LRRC7: variants seen among roughly 807,000 people sequenced by gnomAD.
LRRC7 encodes leucine rich repeat containing 7.
A neutral mutation model predicts 175.7 loss-of-function variants in LRRC7; 23 were observed. That is an observed-to-expected ratio of 0.13 (90% CI 0.09 to 0.19). The LOEUF (loss-of-function observed/expected upper bound fraction) is 0.19. Ranked by LOEUF, LRRC7 falls within the 10% of genes least tolerant of loss-of-function variation. The pLI is 1.00. For synonymous variants in LRRC7, 685 were observed against 680.9 expected, an observed-to-expected ratio of 1.01 and a Z score of -0.09; for missense variants, 1,354 against 1,904.7, an observed-to-expected ratio of 0.71 and a Z score of 5.38.
chr1:69,822,936 C>A (rs1679471243), intron 4 of LRRC7, among the ~76,000 whole-genome samples: 3 of 152,268 alleles, frequency 2.0e-5, no homozygotes, highest in Middle Eastern at 3.4e-3. Flanking sequence ...CTGAAAATAT[C>A]TTTATTCCAC....
chr1:70,116,476 G>A (rs1234671256), intron 26 of LRRC7, among the ~76,000 whole-genome samples: 1 of 150,330 alleles, frequency 6.7e-6, no homozygotes, highest in South Asian at 2.1e-4. Context: ...GAGCCCGGGA[G>A]GCAGAGCTTG....
rs559028338 is a variant in LRRC7, at chr1:69,938,410, A to G, written c.711+6840A>G. 9.2e-5 allele frequency among the ~76,000 whole-genome samples: 14 copies of G among 152,180 alleles called. No individual in the cohort carries two copies. The East Asian group carries it at 2.1e-3, about 23-fold the overall frequency. Reference sequence around the variant, plus strand: ...TAATAAGGGAGAATTGTTAATCTCAATATTCAAATGGAATTTGTTTCTGTT... The same window carrying G: ...TAATAAGGGAGAATTGTTAATCTCAGTATTCAAATGGAATTTGTTTCTGTT... On this transcript the variant is annotated intron_variant, in intron 8 of 26. Coordinates refer to ENST00000651989, the MANE Select transcript of LRRC7 (RefSeq NM_001370785.2).
intron 7 of LRRC7, among the ~76,000 whole-genome samples, chr1:69,889,177 G>A (rs1645754752): frequency 6.6e-6 from 1 of 152,160 alleles, no homozygotes; most frequent in African/African-American, 2.4e-5. Flanking sequence ...TGATGTTAGT[G>A]ACTGCTGACT....
intron 7 of LRRC7, among the ~76,000 whole-genome samples, chr1:69,861,732 C>A (rs987283060): frequency 2.6e-5 from 4 of 152,156 alleles, no homozygotes; most frequent in African/African-American, 9.7e-5. Flanking sequence ...ACTAGAATAG[C>A]CGTGACAGAA....
At chr1:70,045,205 G>C (rs1399513946) in intron 22 of LRRC7, among the ~76,000 whole-genome samples, 1 of 151,798 alleles carries the variant, frequency 6.6e-6, no homozygotes, top group African/African-American at 2.4e-5. Flanking sequence ...GAAAACTTTT[G>C]AATGTTGTTT....
At chr1:69,765,249 C>CTTT (rs1671498405) in intron 3 of LRRC7, among the ~76,000 whole-genome samples, 2 of 152,080 alleles carry the variant, frequency 1.3e-5, no homozygotes, top group Non-Finnish European at 2.9e-5. Context: ...TTTCCTTAGG[C>CTTT]CACATGGCAT....
chr1:69,842,243 A>G (rs888861405), intron 7 of LRRC7, among the ~76,000 whole-genome samples: 4 of 152,130 alleles, frequency 2.6e-5, no homozygotes, highest in African/African-American at 9.6e-5. Context: ...AACATCATAT[A>G]AATGGTTGGT....
chr1:69,939,980 A>C (rs1387228112), intron 8 of LRRC7, among the ~76,000 whole-genome samples: 1 of 152,130 alleles, frequency 6.6e-6, no homozygotes, highest in Admixed American at 6.6e-5. Flanking sequence ...GAGTTTCTTG[A>C]TGAAACTTTA....
intron 7 of LRRC7, among the ~76,000 whole-genome samples, chr1:69,923,731 A>C (rs1394965443): frequency 6.6e-6 from 1 of 151,190 alleles, no homozygotes; most frequent in Non-Finnish European, 1.5e-5. Context: ...GGTTGCGAAA[A>C]TTTTCTCCCA....
At chr1:69,960,854 GGCAA>G (rs1650998892) in intron 8 of LRRC7, among the ~76,000 whole-genome samples, 1 of 151,964 alleles carries the variant, frequency 6.6e-6, no homozygotes, top group African/African-American at 2.4e-5. Context: ...AGCCATATAT[GGCAA>G]AACCACAGCC....
chr1:69,853,754 A>G (rs2101478621), intron 7 of LRRC7, among the ~76,000 whole-genome samples: 1 of 152,294 alleles, frequency 6.6e-6, no homozygotes, highest in East Asian at 1.9e-4. Context: ...GATTTAGGGA[A>G]GCAGACAGCT....
Position 69,938,404 on chromosome 1 carries a change from A to T in LRRC7, c.711+6834A>T, listed in dbSNP as rs112553186. Among the ~76,000 whole-genome samples, 220 of 152,228 alleles carry T rather than the reference A, an allele frequency of 1.4e-3. 1 individual carries two copies. The highest frequency in any genetic ancestry group is 5.0e-3 in the African/African-American group (207 of 41,588). On this transcript the variant is annotated intron_variant, in intron 8 of 26. Transcript: ENST00000651989. ...AGATTATAATAAGGGAGAATTGTTA[A>T]TCTCAATATTCAAATGGAATTTGTT...
At chr1:69,653,886 C>A (rs943070850) in intron 1 of LRRC7, among the ~76,000 whole-genome samples, 3 of 151,868 alleles carry the variant, frequency 2.0e-5, no homozygotes, top group Admixed American at 1.3e-4. Context: ...AATGTTTATA[C>A]TTATGTGAGG....
At position 70,129,140 on chromosome 1, in the gene LRRC7, G is replaced by A. The variant is rs1666564995; in HGVS notation, c.*7253G>A. The stretch of plus-strand genomic sequence containing the variant: ...CGCGCACCTGTAATCCTAGTTACTG[G>A]GGAGGCTGAGGCAGGAGAATTGCTT... On this transcript the variant is annotated 3_prime_UTR_variant, in exon 27 of 27. Coordinates refer to ENST00000651989, the MANE Select transcript of LRRC7 (RefSeq NM_001370785.2). 3.9e-5 allele frequency among the ~76,000 whole-genome samples: 6 copies of A among 151,910 alleles called. No individual in the cohort carries two copies. Among genetic ancestry groups the A allele is most frequent in the Admixed American group, 3.9e-4 (6 of 15,246 alleles).
chr1:69,730,917 CAATCATA>C (rs1193433359), intron 2 of LRRC7, among the ~76,000 whole-genome samples: 1 of 152,076 alleles, frequency 6.6e-6, no homozygotes, highest in Non-Finnish European at 1.5e-5. Flanking sequence ...AGAAAACTTA[CAATCATA>C]ACAGAAGGGG....
Position 69,594,774 on chromosome 1 carries a change from C to T in LRRC7, c.2+26133C>T, listed in dbSNP as rs143303116. Among the ~76,000 whole-genome samples, 317 of 152,236 alleles carry T rather than the reference C, an allele frequency of 2.1e-3. 2 individuals are homozygous for T. Among genetic ancestry groups the T allele is most frequent in the African/African-American group, 7.3e-3 (304 of 41,536 alleles). ...CCCCTCCAAGTCATAGTCTCTGGTG[C>T]TAATGGGTATCTTTCTAAAACCTAG... On this transcript the variant is annotated intron_variant, in intron 1 of 26. Coordinates refer to ENST00000651989, the MANE Select transcript of LRRC7 (RefSeq NM_001370785.2).
chr1:69,657,092 A>C (rs1481756011), intron 1 of LRRC7, among the ~76,000 whole-genome samples: 2 of 151,654 alleles, frequency 1.3e-5, no homozygotes, highest in African/African-American at 2.4e-5. Flanking sequence ...TATAAACCCC[A>C]AATTAGATAC....
chr1:70,012,994 A>G lies in LRRC7; in HGVS notation c.1155A>G (p.Val385=), dbSNP rs892061299. The G allele has an allele frequency of 6.4e-6, 10 of 1,564,044 alleles. No individual in the cohort carries two copies. Among genetic ancestry groups the G allele is most frequent in the Non-Finnish European group, 8.7e-6 (10 of 1,154,924 alleles). Residue 385 remains valine (V), a synonymous_variant, in exon 13 of 27, where the codon GTA becomes GTG. Transcript: ENST00000651989. ...TACAGATTGGAAGTTGTAAGAATGT[A>G]ACAGTCATGTCTCTACGCTCCAACA... ...LPREIGSCKN[V]TVMSLRSNKL...
At chr1:69,673,960 A>G (rs536158494) in intron 1 of LRRC7, among the ~76,000 whole-genome samples, 41 of 152,128 alleles carry the variant, frequency 2.7e-4, no homozygotes, top group African/African-American at 8.7e-4. Flanking sequence ...TATTAACACT[A>G]AAAACATATA....
Sources: allele counts gnomAD v4.1 joint callset (sites outside exome capture counted in the v4.1 genomes callset), GRCh38; gene constraint gnomAD v4.1.1; transcripts MANE v1.5; gene names NCBI Gene and HGNC (gene_info 2026-07-23, HGNC 2026-07-21).